Variants in PRKAR1A observed in about 807,000 individuals in gnomAD.
PRKAR1A encodes the protein protein kinase cAMP-dependent type I regulatory subunit alpha.
In PRKAR1A, 3 loss-of-function variants were observed where a neutral mutation model predicts 52.0. The observed-to-expected ratio is 0.06, with a 90% CI of 0.03 to 0.15. The LOEUF (loss-of-function observed/expected upper bound fraction) is 0.15, where lower values mean the gene tolerates loss of function less well. Among genes scored for constraint, PRKAR1A ranks in the 10% least tolerant of loss-of-function variants. The pLI, the probability that PRKAR1A is intolerant of heterozygous loss-of-function variation, is 1.00. For missense variants in PRKAR1A, 240 were observed against 477.4 expected, an observed-to-expected ratio of 0.50 and a Z score of 4.63; for synonymous variants, 188 against 168.4, an observed-to-expected ratio of 1.12 and a Z score of -0.90.
the PRKAR1A span, among the ~76,000 whole-genome samples, chr17:68,469,931 T>C: frequency 6.6e-6 from 1 of 152,188 alleles, no homozygotes; most frequent in Non-Finnish European, 1.5e-5. Context: ...TGTTTTTGCA[T>C]ATCTCTTTCA....
rs2086013933 is a variant in PRKAR1A at position 68,532,819 on chromosome 17, C to G, written c.*2370C>G. The G allele has an allele frequency of 3.8e-6, 4 of 1,066,306 alleles. No individual in the cohort carries two copies. In the South Asian group the frequency reaches 1.8e-4, roughly 49 times the overall value. 66.1% of individuals were successfully genotyped at this position (1,066,306 alleles called of 1,614,324 possible). ...TCCTTTCCGTCTTTCCTCTCTCTGT[C>G]CTTCCCCGAAAGTCTACTCGGGTGG... On this transcript the variant is annotated 3_prime_UTR_variant, in exon 11 of 11. Coordinates refer to ENST00000589228, the MANE Select transcript of PRKAR1A (RefSeq NM_002734.5).
the PRKAR1A span, among the ~76,000 whole-genome samples, chr17:68,498,500 G>A: frequency 2.0e-5 from 3 of 152,194 alleles, no homozygotes; most frequent in Non-Finnish European, 4.4e-5. Context: ...GTGAACCCAG[G>A]GAGATAAATT....
the PRKAR1A span, chr17:68,457,520 C>T: frequency 1.5e-6 from 1 of 652,196 alleles, no homozygotes; most frequent in Non-Finnish European, 1.9e-6. Flanking sequence ...GGTCCTGCCC[C>T]GCCCCTACCC....
the PRKAR1A span, among the ~76,000 whole-genome samples, chr17:68,498,325 A>G: frequency 2.0e-5 from 3 of 152,236 alleles, no homozygotes; most frequent in East Asian, 5.8e-4. Flanking sequence ...TCCTCCCCAA[A>G]AGCTCAATTT....
rs2086288879 is a variant in PRKAR1A at position 68,541,441 on chromosome 17, C to A, written c.974-9643C>A. The A allele has an allele frequency of 2.0e-5, 4 of 196,398 alleles. No individual in the cohort carries two copies. In the South Asian group the frequency reaches 3.9e-4, roughly 19 times the overall value. 12.2% of individuals were successfully genotyped at this position (196,398 alleles called of 1,614,324 possible). ...CAGAGTCCCTTAGGATCTGTCATGT[C>A]CTCCAGAAATTCTGCCTGGTTACTT... On this transcript the variant is annotated intron_variant, in intron 11 of 11. Coordinates refer to the PRKAR1A transcript ENST00000585981.
chr17:68,542,916 A>T, intron 11 of PRKAR1A: 1 of 865,058 alleles, frequency 1.2e-6, no homozygotes, highest in South Asian at 1.3e-5. Flanking sequence ...TGTACCCAGG[A>T]GGGTGGCCGG....
chr17:68,443,541 C>G, the PRKAR1A span, among the ~76,000 whole-genome samples: 6 of 151,948 alleles, frequency 3.9e-5, no homozygotes, highest in Non-Finnish European at 8.8e-5. Context: ...ATGGCAGTTC[C>G]TGTGCTGGTC....
At chr17:68,419,335 C>T in the PRKAR1A span, among the ~76,000 whole-genome samples, 22 of 152,016 alleles carry the variant, frequency 1.4e-4, no homozygotes, top group Admixed American at 3.3e-4. Flanking sequence ...CCGAAGTGGG[C>T]AGATCATGAG....
At chr17:68,426,019 G>C in the PRKAR1A span, 2 of 1,437,518 alleles carry the variant, frequency 1.4e-6, no homozygotes, top group Middle Eastern at 2.0e-4. Flanking sequence ...ATGAGGCGAA[G>C]GTTTCCTTCT....
At chr17:68,541,011 G>C in intron 11 of PRKAR1A, 2 of 1,549,228 alleles carry the variant, frequency 1.3e-6, no homozygotes, top group Non-Finnish European at 1.7e-6. Flanking sequence ...GCAGGGTGTC[G>C]GGGGTCTCCC....
the PRKAR1A span, among the ~76,000 whole-genome samples, chr17:68,459,357 GT>G: frequency 6.6e-6 from 1 of 152,330 alleles, no homozygotes; most frequent in East Asian, 1.9e-4. Context: ...GTACCATAAA[GT>G]TTTTAAAGTG....
At chr17:68,524,161 T>A in intron 5 of PRKAR1A, 84 bp downstream of exon 5, 4 of 1,415,666 alleles carry the variant, frequency 2.8e-6, no homozygotes, top group Non-Finnish European at 4.0e-6. Context: ...TATTGAAGTT[T>A]GTTTTCCTCT....
At chr17:68,513,189 C>T (rs1043521914) in intron 1 of PRKAR1A, 4 of 152,306 alleles carry the variant, frequency 2.6e-5, no homozygotes, top group African/African-American at 7.2e-5. Context: ...CTTGAAGTCT[C>T]GGCTTCCCTT....
chr17:68,516,287 CAAAT>C (rs2085431034), intron 2 of PRKAR1A, among the ~76,000 whole-genome samples: 1 of 152,014 alleles, frequency 6.6e-6, no homozygotes, highest in Non-Finnish European at 1.5e-5. Context: ...ATAATTGAAG[CAAAT>C]GAATGCTTCA....
the PRKAR1A span, among the ~76,000 whole-genome samples, chr17:68,459,225 A>C: frequency 6.6e-6 from 1 of 152,200 alleles, no homozygotes; most frequent in African/African-American, 2.4e-5. Context: ...GTAACCTTTC[A>C]GATCAAAGGT....
chr17:68,486,505 CCTTCTTTCTTTCTT>C, the PRKAR1A span, among the ~76,000 whole-genome samples: 5 of 39,214 alleles, frequency 1.3e-4, no homozygotes, highest in South Asian at 9.5e-4. Flanking sequence ...TTCCTTCCTT[CCTTCTTTCTTTCTT>C]TCTTTCTTTC....
At chr17:68,535,363 A>G (rs1387473991), downstream of PRKAR1A, 1 of 454,136 alleles carries the variant, frequency 2.2e-6, no homozygotes, top group Non-Finnish European at 4.4e-6. Context: ...ATGTGTATAT[A>G]GGCCATTGGA....
chr17:68,488,463 C>T, the PRKAR1A span, among the ~76,000 whole-genome samples: 1 of 151,986 alleles, frequency 6.6e-6, no homozygotes, highest in African/African-American at 2.4e-5. Context: ...TGCAGTGGCT[C>T]ATGCCTGTCA....
downstream of PRKAR1A, chr17:68,535,676 T>A (rs773669248): frequency 1.3e-5 from 6 of 447,164 alleles, no homozygotes; most frequent in South Asian, 9.6e-5. Context: ...AAAATTTTTT[T>A]TTTTTTGTAT....
Sources: allele counts gnomAD v4.1 joint callset (sites outside exome capture counted in the v4.1 genomes callset), GRCh38; gene constraint gnomAD v4.1.1; transcripts MANE v1.5; gene names NCBI Gene and HGNC (gene_info 2026-07-23, HGNC 2026-07-21).